KCNN2: variants seen among roughly 807,000 people sequenced by gnomAD.
KCNN2 encodes the protein potassium calcium-activated channel subfamily N member 2.
Under a neutral mutation model 55.5 loss-of-function variants are expected in KCNN2, and 24 were observed. The observed-to-expected ratio is 0.43, with a 90% CI of 0.31 to 0.61. KCNN2 has a LOEUF of 0.61. KCNN2 is among the 20% of genes least tolerant of loss of function. KCNN2 has a pLI of 0.08. For synonymous variants in KCNN2, 431 were observed against 336.1 expected (o/e 1.28, Z -3.09); for missense variants, 754 against 853.6 (o/e 0.88, Z 1.45).
At chr5:114,269,394 T>G (rs1024956541) in intron 2 of KCNN2, among the ~76,000 whole-genome samples, 1 of 152,124 alleles carries the variant, frequency 6.6e-6, no homozygotes, top group Admixed American at 6.5e-5. Context: ...GCATGGCCTT[T>G]CCTGAAATGA....
intron 2 of KCNN2, among the ~76,000 whole-genome samples, chr5:114,222,180 C>A (rs867630400): frequency 2.0e-5 from 3 of 151,936 alleles, no homozygotes; most frequent in Admixed American, 6.5e-5. Context: ...TAGTTCCTTT[C>A]AAAAAATTAA....
chr5:114,357,331 G>T, upstream of KCNN2, among the ~76,000 whole-genome samples: 1 of 149,174 alleles, frequency 6.7e-6, no homozygotes, highest in Non-Finnish European at 1.5e-5. Flanking sequence ...TAACTTTTAG[G>T]GTACATGTGC....
chr5:114,240,424 T>C (rs1405048878), intron 2 of KCNN2, among the ~76,000 whole-genome samples: 1 of 71,304 alleles, frequency 1.4e-5, no homozygotes, highest in African/African-American at 5.5e-5. Flanking sequence ...TATTTTTCTT[T>C]CTCTTTTTTT....
At chr5:114,363,371 A>C (rs1271283767) in intron 1 of KCNN2, 110 bp downstream of exon 1, 1 of 1,332,674 alleles carries the variant, frequency 7.5e-7, no homozygotes, top group African/African-American at 1.5e-5. Flanking sequence ...CGGGACGATC[A>C]AGGGAGCCCG....
At chr5:114,397,630 G>A (rs1758659486) in intron 2 of KCNN2, among the ~76,000 whole-genome samples, 1 of 152,006 alleles carries the variant, frequency 6.6e-6, no homozygotes, top group Non-Finnish European at 1.5e-5. Context: ...CAAGTGATCT[G>A]CCCCGCCTCG....
chr5:114,387,935 C>T (rs1239024567), intron 2 of KCNN2, among the ~76,000 whole-genome samples: 2 of 152,170 alleles, frequency 1.3e-5, no homozygotes, highest in Non-Finnish European at 2.9e-5. Context: ...TCATTTTCTT[C>T]CTAGTCTCTT....
chr5:114,191,533 A>T (rs1043491277), intron 1 of KCNN2, among the ~76,000 whole-genome samples: 3 of 152,162 alleles, frequency 2.0e-5, no homozygotes, highest in Non-Finnish European at 2.9e-5. Flanking sequence ...TTTAAGTAAT[A>T]AAAAAATTAT....
upstream of KCNN2, chr5:114,361,223 G>C (rs546937893): frequency 2.0e-5 from 3 of 152,242 alleles, no homozygotes; most frequent in African/African-American, 7.2e-5. Flanking sequence ...CGGCTCTGTC[G>C]GCAGACTGCG....
chr5:114,417,802 A>G (rs1417581221), intron 3 of KCNN2, among the ~76,000 whole-genome samples: 2 of 152,202 alleles, frequency 1.3e-5, no homozygotes, highest in African/African-American at 2.4e-5. Flanking sequence ...ATGGTATTCT[A>G]TACCATGTAA....
chr5:114,223,594 T>C (rs4333303), intron 2 of KCNN2, among the ~76,000 whole-genome samples: 152,255 of 152,330 alleles, frequency 1, 76,090 homozygotes, highest in Middle Eastern at 1. Flanking sequence ...GCGATAGAAA[T>C]CACAGCAATT....
intron 1 of KCNN2, among the ~76,000 whole-genome samples, chr5:114,173,586 G>A (rs1343649618): frequency 1.3e-5 from 2 of 151,396 alleles, no homozygotes. Flanking sequence ...TTGGGTAGTA[G>A]GAGCATTTTA....
chr5:114,111,170 A>G (rs972037962), intron 1 of KCNN2, among the ~76,000 whole-genome samples: 11 of 152,132 alleles, frequency 7.2e-5, no homozygotes, highest in Non-Finnish European at 1.3e-4. Flanking sequence ...CTCAGAAATA[A>G]CACCACACGT....
At chr5:114,367,650 A>AT (rs577014520) in intron 2 of KCNN2, among the ~76,000 whole-genome samples, 11,027 of 143,362 alleles carry the variant, frequency 0.077, 506 homozygotes, top group Non-Finnish European at 0.11. Context: ...TTTCAGTGAC[A>AT]TTTTTTTTTT....
chr5:114,364,047 C>T (rs774801747), intron 2 of KCNN2, 46 bp downstream of exon 2: 1 of 1,434,800 alleles, frequency 7.0e-7, no homozygotes, highest in East Asian at 2.3e-5. Flanking sequence ...GCCCTACAGT[C>T]AGCCTAGAGA....
intron 1 of KCNN2, among the ~76,000 whole-genome samples, chr5:114,212,935 A>C: frequency 6.6e-6 from 1 of 152,138 alleles, no homozygotes; most frequent in African/African-American, 2.4e-5. Context: ...TCTTCTTACA[A>C]TGTAGATATA....
intron 4 of KCNN2, among the ~76,000 whole-genome samples, chr5:114,463,852 G>A (rs532982065): frequency 2.6e-5 from 4 of 152,170 alleles, no homozygotes; most frequent in Admixed American, 6.5e-5. Context: ...TGATTTTTAC[G>A]CTGAAGTGAG....
chr5:114,129,346 A>C (rs1259192564), intron 1 of KCNN2, among the ~76,000 whole-genome samples: 1 of 152,130 alleles, frequency 6.6e-6, no homozygotes, highest in East Asian at 1.9e-4. Context: ...AGAATACAAA[A>C]AATTTCTTCT....
intron 1 of KCNN2, among the ~76,000 whole-genome samples, chr5:114,145,560 A>G (rs779668481): frequency 2.0e-4 from 31 of 152,184 alleles, no homozygotes; most frequent in Non-Finnish European, 3.4e-4. Context: ...AGAGATATCC[A>G]TTAGTGGGTC....
At chr5:114,220,095 A>T (rs1163304375) in intron 1 of KCNN2, among the ~76,000 whole-genome samples, 1 of 152,146 alleles carries the variant, frequency 6.6e-6, no homozygotes, top group Non-Finnish European at 1.5e-5. Flanking sequence ...ATAGTTGGCT[A>T]CTCTTCGGAC....
Sources: allele counts gnomAD v4.1 joint callset (sites outside exome capture counted in the v4.1 genomes callset), GRCh38; gene constraint gnomAD v4.1.1; transcripts MANE v1.5; gene names NCBI Gene and HGNC (gene_info 2026-07-23, HGNC 2026-07-21).